The following PSMC4 variants were observed in gnomAD, a reference collection of about 807,000 sequenced individuals.
PSMC4 encodes the protein proteasome 26S subunit, ATPase 4, also known as 26S proteasome regulatory subunit 6B.
PSMC4 carries 13 observed loss-of-function variants against 48.4 expected under a neutral mutation model. That is an observed-to-expected ratio of 0.27 (90% CI 0.18 to 0.43). The LOEUF (loss-of-function observed/expected upper bound fraction) is 0.43. Ranked by LOEUF, PSMC4 falls within the 20% of genes least tolerant of loss-of-function variation. The pLI, the probability that PSMC4 is intolerant of heterozygous loss-of-function variation, is 1.00. For missense variants in PSMC4, 262 were observed against 555.9 expected (o/e 0.47, Z 5.32); for synonymous variants, 202 against 212.3 (o/e 0.95, Z 0.42).
At position 39,980,653 on chromosome 19, in the gene PSMC4, T is replaced by G; in HGVS notation, c.1088-9T>G. The G allele has an allele frequency of 6.2e-7, 1 of 1,613,952 alleles. No homozygotes were observed. The highest frequency in any genetic ancestry group is 8.5e-7 in the Non-Finnish European group (1 of 1,179,902). ...TCACACAGGGAATAGTTTCCTTAAC[T>G]CGCTGCAGATGTGGCCCGGCCAGAT... On this transcript the variant is annotated splice_polypyrimidine_tract_variant and intron_variant, in intron 9 of 10. Transcript: ENST00000157812. This position sits in a 1 kb window ranked among gnomAD's most constrained non-coding sequence, Gnocchi z 4.8.
In PSMC4 at chr19:39,980,176, TGTG is replaced by T; in HGVS notation, c.918+34_918+36del. Reference sequence around the variant, plus strand: ...GGGGTTTGGGATGGACAAGGGGAGGTGTGGTGTAGGAACTGGGGAAAGTTGGGG... The same window carrying T: ...GGGGTTTGGGATGGACAAGGGGAGGTGTGTAGGAACTGGGGAAAGTTGGGG... On this transcript the variant is annotated intron_variant, in intron 8 of 10. Transcript: ENST00000157812. This position sits in a 1 kb window ranked among gnomAD's most constrained non-coding sequence, Gnocchi z 4.8. 2.5e-6 allele frequency: 4 copies of T among 1,613,174 alleles called. No homozygotes were observed. The highest frequency in any genetic ancestry group is 2.5e-6 in the Non-Finnish European group (3 of 1,179,768).
intron 6 of PSMC4, among the ~76,000 whole-genome samples, chr19:39,976,975 G>A (rs1015003186): frequency 3.3e-5 from 5 of 150,594 alleles, no homozygotes; most frequent in African/African-American, 7.3e-5. Context: ...TCAGCCTCCC[G>A]AGTGGCTGGA....
rs1971117562 is a variant in PSMC4 at position 39,972,504 on chromosome 19, CA to C, written c.273del (p.Gln91HisfsTer26). 6.2e-7 allele frequency: 1 copy of C among 1,613,992 alleles called. No individual in the cohort carries two copies. The highest frequency in any genetic ancestry group is 1.3e-5 in the African/African-American group (1 of 74,920). On this transcript the variant is annotated frameshift_variant, in exon 3 of 11. Coordinates refer to ENST00000157812, the MANE Select transcript of PSMC4 (RefSeq NM_006503.4). LOFTEE classifies it high-confidence loss of function. ...RIQSIPLVIG[Q>X]FLEAVDQNTA... ...CCAAAGCATCCCGCTGGTCATCGGA[CA>C]ATTTCTGGAGGCTGTGGATCAGAAT...
In PSMC4 at chr19:39,974,466, G is replaced by A. The variant is rs760721758; in HGVS notation, c.469+26G>A. On this transcript the variant is annotated intron_variant, in intron 4 of 10. Transcript: ENST00000157812. The surrounding 1 kb of genome is among the most constrained non-coding windows in gnomAD (Gnocchi z 5.5). ...GTAAAGGGGGAGCCTGCAGCTGGGA[G>A]GGCCCCATGGGGACCTTGAGGACCT... The A allele has an allele frequency of 5.6e-6, 9 of 1,613,456 alleles. No individual in the cohort carries two copies. The highest frequency in any genetic ancestry group is 3.3e-5 in the Admixed American group (2 of 59,986).
rs2144620045 is a variant in PSMC4 at position 39,980,671 on chromosome 19, G to A, written c.1097G>A (p.Arg366Gln). ...EEVDLEDYVA[R>Q]PDKISGADIN... The stretch of plus-strand genomic sequence containing the variant: ...CCTTAACTCGCTGCAGATGTGGCCC[G>A]GCCAGATAAGATTTCAGGAGCTGAT... Residue 366 changes from arginine (R) to glutamine (Q), a missense_variant, in exon 10 of 11, where the codon CGG becomes CAG. Around this residue, in one of 4 missense-constraint regions of PSMC4, gnomAD observed 84 missense variants for 157.8 expected, o/e 0.53. Transcript: ENST00000157812. This position sits in a 1 kb window ranked among gnomAD's most constrained non-coding sequence, Gnocchi z 4.8. 4.3e-6 allele frequency: 7 copies of A among 1,613,986 alleles called. No homozygotes were observed. Among genetic ancestry groups the A allele is most frequent in the Middle Eastern group, 1.7e-4 (1 of 6,042 alleles).
intron 1 of PSMC4, 70 bp downstream of exon 1, chr19:39,971,308 G>A (rs1207171050): frequency 2.5e-6 from 4 of 1,584,552 alleles, no homozygotes; most frequent in Non-Finnish European, 3.5e-6. Context: ...AGACCTGAGT[G>A]GGGGGAGGAA....
At chr19:39,977,814 T>G in intron 6 of PSMC4, among the ~76,000 whole-genome samples, 1 of 151,768 alleles carries the variant, frequency 6.6e-6, no homozygotes, top group Non-Finnish European at 1.5e-5. Flanking sequence ...AGTGCGAGAT[T>G]CTGTTTCCAA....
rs1401024659 is a variant in PSMC4, at chr19:39,980,353, G to A, written c.986G>A (p.Arg329His). 7 of 1,613,958 alleles carry A rather than the reference G, an allele frequency of 4.3e-6. No homozygotes were observed. Among genetic ancestry groups the A allele is most frequent in the Non-Finnish European group, 5.9e-6 (7 of 1,180,024 alleles). Residue 329 changes from arginine to histidine, a missense_variant, in exon 9 of 11, where the codon CGT (arginine) becomes CAT (histidine). By Grantham distance (29) the Arg-to-His change is conservative. This residue lies in a region of PSMC4 where 84 missense variants were observed against 157.8 expected (regional missense o/e 0.53). Transcript: ENST00000157812. This position sits in a 1 kb window ranked among gnomAD's most constrained non-coding sequence, Gnocchi z 4.8. ...CTGCTACGGCCAGGACGGCTGGACC[G>A]TAAAATTGAATTTCCACTTCCTGAC... is the stretch of plus-strand genomic sequence containing the variant. ...PALLRPGRLD[R>H]KIEFPLPDRR...
chr19:39,974,469 C>T lies in PSMC4; in HGVS notation c.469+29C>T, dbSNP rs55787243. The T allele has an allele frequency of 5.4e-5, 87 of 1,613,256 alleles. No individual in the cohort carries two copies. In the Middle Eastern group the frequency reaches 2.6e-3, roughly 49 times the overall value. ...AAGGGGGAGCCTGCAGCTGGGAGGG[C>T]CCCATGGGGACCTTGAGGACCTGGC... On this transcript the variant is annotated intron_variant, in intron 4 of 10. Coordinates refer to ENST00000157812, the MANE Select transcript of PSMC4 (RefSeq NM_006503.4). The surrounding 1 kb of genome is among the most constrained non-coding windows in gnomAD (Gnocchi z 5.5).
Position 39,974,350 on chromosome 19 carries a change from A to G in PSMC4, c.379A>G (p.Asn127Asp). 6.2e-7 allele frequency: 1 copy of G among 1,614,124 alleles called. No homozygotes were observed. The part of the protein sequence containing the change: ...STIDRELLKP[N>D]ASVALHKHSN... ...CATCGATCGGGAGCTGCTCAAGCCC[A>G]ACGCCTCAGTGGCCCTCCACAAGCA... is the stretch of plus-strand genomic sequence containing the variant. The change falls in exon 4 of 11, where the codon AAC (asparagine) becomes GAC (aspartate). Residue 127 changes from asparagine (N) to aspartate (D), a missense_variant. Around this residue, in one of 4 missense-constraint regions of PSMC4, gnomAD observed 131 missense variants for 276.7 expected, o/e 0.47. Coordinates refer to ENST00000157812, the MANE Select transcript of PSMC4 (RefSeq NM_006503.4). The surrounding 1 kb of genome is among the most constrained non-coding windows in gnomAD (Gnocchi z 5.5).
chr19:39,979,699 T>G (rs916543842), intron 6 of PSMC4, 118 bp from the exon 7 acceptor site: 2 of 1,049,304 alleles, frequency 1.9e-6, no homozygotes, highest in Non-Finnish European at 2.6e-6. Flanking sequence ...ATGACACAAC[T>G]ACTAGGTATG....
Position 39,980,745 on chromosome 19 carries a change from G to C in PSMC4, c.1143+28G>C, listed in dbSNP as rs201585070. ...AAGTGGTGGTTTCTCTCTGGATCCA[G>C]GCAGCGGGTGTGTGAGGACCCTTCT... On this transcript the variant is annotated intron_variant, in intron 10 of 10. Transcript: ENST00000157812. The surrounding 1 kb of genome is among the most constrained non-coding windows in gnomAD (Gnocchi z 4.8). The C allele has an allele frequency of 6.4e-5, 103 of 1,608,100 alleles. No individual in the cohort carries two copies. The African/African-American group carries it at 1.1e-3, about 17-fold the overall frequency.
chr19:39,980,550 G>A lies in PSMC4; in HGVS notation c.1087+96G>A. ...CCAGCACCACAGCCCAGACTGTGCA[G>A]GTGGGACCAAGGTCCAGGGAGGAGG... On this transcript the variant is annotated intron_variant, in intron 9 of 10. Coordinates refer to ENST00000157812, the MANE Select transcript of PSMC4 (RefSeq NM_006503.4). This position sits in a 1 kb window ranked among gnomAD's most constrained non-coding sequence, Gnocchi z 4.8. 2.8e-5 allele frequency: 44 copies of A among 1,588,394 alleles called. No homozygotes were observed. The highest frequency in any genetic ancestry group is 3.8e-5 in the Non-Finnish European group (44 of 1,157,878).
At position 39,980,217 on chromosome 19, in the gene PSMC4, G is replaced by A; in HGVS notation, c.919-69G>A. On this transcript the variant is annotated intron_variant, in intron 8 of 10. Coordinates refer to ENST00000157812, the MANE Select transcript of PSMC4 (RefSeq NM_006503.4). The surrounding 1 kb of genome is among the most constrained non-coding windows in gnomAD (Gnocchi z 4.8). ...GGGAAAGTTGGGGGCTGGCACCTAA[G>A]GGGTGGTTATCGTGACAGGAAGGAG... 1 of 1,613,734 alleles carries A rather than the reference G, an allele frequency of 6.2e-7. No individual in the cohort carries two copies. The highest frequency in any genetic ancestry group is 2.2e-5 in the East Asian group (1 of 44,874).
chr19:39,972,133 C>T lies in PSMC4; in HGVS notation c.37-13C>T. 1.2e-6 allele frequency: 2 copies of T among 1,607,662 alleles called. No individual in the cohort carries two copies. The highest frequency in any genetic ancestry group is 1.7e-6 in the Non-Finnish European group (2 of 1,174,436). Reference sequence around the variant, plus strand: ...CTGTCTTCTTCCAATGTGAGTTATCCCCTTTCGTCTAGGATGAGATCCCAG... The same window carrying T: ...CTGTCTTCTTCCAATGTGAGTTATCTCCTTTCGTCTAGGATGAGATCCCAG... On this transcript the variant is annotated splice_polypyrimidine_tract_variant and intron_variant, in intron 1 of 10. Transcript: ENST00000157812.
intron 6 of PSMC4, among the ~76,000 whole-genome samples, chr19:39,978,032 C>T (rs1174103045): frequency 1.3e-5 from 2 of 152,110 alleles, no homozygotes; most frequent in Non-Finnish European, 2.9e-5. Flanking sequence ...GCTATGTTGC[C>T]CAGGCTGGTC....
chr19:39,981,100 G>C (rs942229885), intron 10 of PSMC4, 92 bp from the exon 11 acceptor site: 12 of 950,146 alleles, frequency 1.3e-5, no homozygotes, highest in Non-Finnish European at 2.0e-5. Flanking sequence ...CAAGTGATCT[G>C]TATACCTCAG....
At position 39,981,325 on chromosome 19, in the gene PSMC4, A is replaced by C; in HGVS notation, c.*20A>C. 1 of 1,573,442 alleles carries C rather than the reference A, an allele frequency of 6.4e-7. No homozygotes were observed. The highest frequency in any genetic ancestry group is 1.7e-4 in the Middle Eastern group (1 of 6,002). On this transcript the variant is annotated 3_prime_UTR_variant, in exon 11 of 11. Transcript: ENST00000157812. ...AAGTGACCCTTCCCTTCCCTCCACCACACCACTCAGGGGCTGGGGCTTCTC... is the reference window on the plus strand; with the variant it reads ...AAGTGACCCTTCCCTTCCCTCCACCCCACCACTCAGGGGCTGGGGCTTCTC...
chr19:39,978,396 A>G (rs1220229772), intron 6 of PSMC4, among the ~76,000 whole-genome samples: 4 of 152,162 alleles, frequency 2.6e-5, no homozygotes, highest in Non-Finnish European at 5.9e-5. Context: ...CAGCCAAGTA[A>G]ATGGCCAAAG....
Sources: gnomAD v4.1 joint callset for allele counts (sites outside exome capture counted in the v4.1 genomes callset) on GRCh38, gnomAD v4.1.1 for gene constraint, gnomAD v4.1.1 regional missense constraint, Gnocchi (gnomAD v3.1) non-coding constraint, MANE v1.5 for transcripts, NCBI Gene and HGNC (gene_info 2026-07-23, HGNC 2026-07-21) for gene names.